The following TRAF3 variants were observed in gnomAD, a reference collection of about 807,000 sequenced individuals.
TRAF3 encodes TNF receptor-associated factor 3.
In TRAF3, 13 loss-of-function variants were observed where a neutral mutation model predicts 62.3. That is an observed-to-expected ratio of 0.21 (90% CI 0.14 to 0.33). TRAF3 has a LOEUF of 0.33. TRAF3 is among the 10% of genes least tolerant of loss of function. TRAF3 has a pLI of 1.00. For synonymous variants in TRAF3, 269 were observed against 283.4 expected (o/e 0.95, Z 0.51); for missense variants, 440 against 741.8 (o/e 0.59, Z 4.73).
At chr14:102,807,522 G>T (rs920490831) in intron 1 of TRAF3, among the ~76,000 whole-genome samples, 5 of 152,192 alleles carry the variant, frequency 3.3e-5, no homozygotes, top group Non-Finnish European at 7.3e-5. Flanking sequence ...TGGTCTCCTG[G>T]CCTCAAGCAG....
intron 3 of TRAF3, among the ~76,000 whole-genome samples, chr14:102,871,709 C>G (rs533111692): frequency 6.6e-6 from 1 of 152,348 alleles, no homozygotes; most frequent in East Asian, 1.9e-4. Context: ...TTGGTAACTT[C>G]CTTTTGAAAA....
chr14:102,880,637 T>C (rs1356918418), intron 6 of TRAF3, among the ~76,000 whole-genome samples: 1 of 152,242 alleles, frequency 6.6e-6, no homozygotes. Context: ...TAAATCATTC[T>C]ATTATAAGGA....
chr14:102,868,770 G>A (rs538263090), intron 2 of TRAF3, among the ~76,000 whole-genome samples: 2 of 152,326 alleles, frequency 1.3e-5, no homozygotes, highest in Non-Finnish European at 2.9e-5. Context: ...GTTTATGAGT[G>A]CATGGTGTAA....
At chr14:102,866,706 A>G (rs1441400945) in intron 2 of TRAF3, among the ~76,000 whole-genome samples, 1 of 152,120 alleles carries the variant, frequency 6.6e-6, no homozygotes. Context: ...TTAGCTGGGC[A>G]TGGTGGCATG....
chr14:102,831,540 C>A (rs1366714089), intron 2 of TRAF3, among the ~76,000 whole-genome samples: 1 of 152,188 alleles, frequency 6.6e-6, no homozygotes, highest in Non-Finnish European at 1.5e-5. Context: ...TCGGTCAGGC[C>A]AGGTCCTGCC....
intron 6 of TRAF3, among the ~76,000 whole-genome samples, chr14:102,880,639 T>C (rs554407280): frequency 8.0e-4 from 122 of 152,338 alleles, no homozygotes; most frequent in African/African-American, 2.9e-3. Flanking sequence ...AATCATTCTA[T>C]TATAAGGATA....
chr14:102,779,445 C>T (rs748745012), intron 1 of TRAF3, among the ~76,000 whole-genome samples: 1 of 152,044 alleles, frequency 6.6e-6, no homozygotes, highest in African/African-American at 2.4e-5. Context: ...TAACAGTGGC[C>T]AGTTGTTTCT....
At chr14:102,899,856 A>C (rs1038555508) in intron 10 of TRAF3, among the ~76,000 whole-genome samples, 1 of 151,958 alleles carries the variant, frequency 6.6e-6, no homozygotes, top group African/African-American at 2.4e-5. Flanking sequence ...TTAATATTTT[A>C]CTTCTTAAAT....
intron 1 of TRAF3, among the ~76,000 whole-genome samples, chr14:102,806,001 G>T (rs1898749536): frequency 6.8e-6 from 1 of 146,672 alleles, no homozygotes; most frequent in African/African-American, 2.5e-5. Context: ...TTCTCATCCA[G>T]AGATGGAGTT....
At position 102,869,804 on chromosome 14, in the gene TRAF3, TA is replaced by T. The variant is rs1168298718; in HGVS notation, c.-17-363del. Among the ~76,000 whole-genome samples, 931 of 132,760 alleles carry T rather than the reference TA, an allele frequency of 7.0e-3. 1 individual carries two copies. The highest frequency in any genetic ancestry group is 9.7e-3 in the South Asian group (40 of 4,122). 87.1% of individuals were successfully genotyped at this position (132,760 alleles called of 152,430 possible). ...CTGGGCAACAGAGCGAGACTCCGTC[TA>T]AAAAAAAAAAAAAAAAATTTTTGGA... On this transcript the variant is annotated intron_variant, in intron 2 of 11. Transcript: ENST00000392745.
chr14:102,895,875 G>T (rs1212226223), intron 9 of TRAF3, among the ~76,000 whole-genome samples: 1 of 152,170 alleles, frequency 6.6e-6, no homozygotes, highest in African/African-American at 2.4e-5. Context: ...GCGCTTCCGT[G>T]GAAGGGTATC....
At chr14:102,854,697 T>C (rs562650453) in intron 2 of TRAF3, among the ~76,000 whole-genome samples, 2 of 152,266 alleles carry the variant, frequency 1.3e-5, no homozygotes, top group African/African-American at 4.8e-5. Flanking sequence ...TGGGGTTTTT[T>C]ACTGTGTTGC....
chr14:102,788,356 C>T (rs1418932463), intron 1 of TRAF3, among the ~76,000 whole-genome samples: 1 of 152,124 alleles, frequency 6.6e-6, no homozygotes, highest in Non-Finnish European at 1.5e-5. Flanking sequence ...CTGCAACCAC[C>T]AGCTCTCTCT....
chr14:102,882,406 C>G (rs7154305), intron 6 of TRAF3, among the ~76,000 whole-genome samples: 64,413 of 151,976 alleles, frequency 0.42, 18,810 homozygotes, highest in African/African-American at 0.83. Context: ...AGCAAGCACG[C>G]GTGTTTGGGG....
chr14:102,881,176 G>A (rs1318376118), intron 6 of TRAF3, among the ~76,000 whole-genome samples: 1 of 152,010 alleles, frequency 6.6e-6, no homozygotes, highest in Non-Finnish European at 1.5e-5. Context: ...CTGAGGTCAG[G>A]AGTTCAAGAC....
intron 1 of TRAF3, among the ~76,000 whole-genome samples, chr14:102,784,631 A>G (rs1566734653): frequency 6.6e-6 from 1 of 152,208 alleles, no homozygotes. Flanking sequence ...GCTAAAGCTA[A>G]AAAGTCAGAT....
intron 6 of TRAF3, among the ~76,000 whole-genome samples, chr14:102,879,442 G>C (rs1361123880): frequency 1.3e-5 from 2 of 151,912 alleles, no homozygotes; most frequent in South Asian, 4.2e-4. Context: ...ATTTTTTGTA[G>C]AGACAGGGTC....
chr14:102,886,408 G>A (rs1889392617), intron 7 of TRAF3, 139 bp downstream of exon 7: 4 of 754,470 alleles, frequency 5.3e-6, no homozygotes, highest in Admixed American at 2.2e-5. Flanking sequence ...AAAAACCACA[G>A]CAAAAAGCCT....
intron 2 of TRAF3, among the ~76,000 whole-genome samples, chr14:102,852,299 T>C (rs1360948443): frequency 1.3e-5 from 2 of 152,174 alleles, no homozygotes; most frequent in African/African-American, 2.4e-5. Flanking sequence ...ATTAGCCTTT[T>C]AGTTTTAGGA....
Sources: gnomAD v4.1 joint callset for allele counts (sites outside exome capture counted in the v4.1 genomes callset) on GRCh38, gnomAD v4.1.1 for gene constraint, MANE v1.5 for transcripts, NCBI Gene and HGNC (gene_info 2026-07-23, HGNC 2026-07-21) for gene names.